The following SLK variants were observed in gnomAD, a reference collection of about 807,000 sequenced individuals.
The protein encoded by SLK is STE20-like serine/threonine-protein kinase.
SLK carries 67 observed loss-of-function variants against 147.7 expected under a neutral mutation model. The observed-to-expected ratio is 0.45, with a 90% CI of 0.37 to 0.56. The LOEUF (loss-of-function observed/expected upper bound fraction) is 0.56. SLK is among the 20% of genes least tolerant of loss of function. SLK has a pLI of 0.00. For synonymous variants in SLK, 441 were observed against 475.0 expected (o/e 0.93, Z 0.93); for missense variants, 1,136 against 1,438.8 (o/e 0.79, Z 3.41).
At chr10:103,968,283 T>A (rs1002231334) in intron 1 of SLK, among the ~76,000 whole-genome samples, 11 of 152,236 alleles carry the variant, frequency 7.2e-5, no homozygotes, top group Admixed American at 6.5e-4. Flanking sequence ...ATGCTTGTAC[T>A]CCAACAGTTC....
At chr10:104,008,120 TA>T in intron 11 of SLK, 56 bp from the exon 12 acceptor site, 1 of 1,293,856 alleles carries the variant, frequency 7.7e-7, no homozygotes, top group Non-Finnish European at 1.1e-6. Flanking sequence ...ATCTTTACTA[TA>T]AGGTATTAAT....
At chr10:103,980,127 G>C (rs1224569678) in intron 1 of SLK, among the ~76,000 whole-genome samples, 1 of 152,142 alleles carries the variant, frequency 6.6e-6, no homozygotes, top group African/African-American at 2.4e-5. Context: ...TTACTGCTTT[G>C]CAATGCTTCC....
At chr10:104,009,734 C>T (rs531232555) in intron 12 of SLK, among the ~76,000 whole-genome samples, 74 of 152,140 alleles carry the variant, frequency 4.9e-4, no homozygotes, top group Non-Finnish European at 9.6e-4. Context: ...GTTTCAGCCA[C>T]GAACATGTTT....
intron 18 of SLK, among the ~76,000 whole-genome samples, chr10:104,024,898 G>T (rs1238765992): frequency 6.6e-6 from 1 of 152,100 alleles, no homozygotes. Context: ...CCTCATGAAG[G>T]CACTCATCCC....
chr10:103,994,694 G>A (rs1844143666), intron 4 of SLK, among the ~76,000 whole-genome samples: 1 of 152,174 alleles, frequency 6.6e-6, no homozygotes, highest in South Asian at 2.1e-4. Flanking sequence ...GAGGAGGGAT[G>A]ATGTGAAAAA....
At chr10:104,004,085 T>C (rs1377588312) in intron 9 of SLK, among the ~76,000 whole-genome samples, 1 of 141,344 alleles carries the variant, frequency 7.1e-6, no homozygotes, top group Non-Finnish European at 1.5e-5. Flanking sequence ...GGATCACTAT[T>C]TGTAAAAAAA....
At chr10:103,970,151 A>G (rs1398658803) in intron 1 of SLK, among the ~76,000 whole-genome samples, 1 of 152,210 alleles carries the variant, frequency 6.6e-6, no homozygotes, top group African/African-American at 2.4e-5. Context: ...AGGCACATGG[A>G]AAGGGCTCAG....
rs1216504909 is a variant in SLK, at chr10:104,001,456, A to T, written c.877A>T (p.Thr293Ser). The T allele has an allele frequency of 6.2e-7, 1 of 1,613,466 alleles. No homozygotes were observed. Among genetic ancestry groups the T allele is most frequent in the Non-Finnish European group, 8.5e-7 (1 of 1,179,442 alleles). ...TSQLLQHPFV[T>S]VDSNKPIREL... ...TAATGATCAACAGCATCCCTTTGTT[A>T]CTGTTGATTCCAACAAACCCATCCG... The change falls in exon 8 of 19, where the codon ACT becomes TCT. Residue 293 changes from threonine (T) to serine (S), a missense_variant. Thr to Ser is a moderately conservative substitution (Grantham distance 58). This residue lies in a region of SLK where 141 missense variants were observed against 219.3 expected (regional missense o/e 0.64). Transcript: ENST00000369755.
Position 104,018,795 on chromosome 10 carries a change from G to A in SLK, c.3019G>A (p.Ala1007Thr). 3 of 1,611,174 alleles carry A rather than the reference G, an allele frequency of 1.9e-6. No individual in the cohort carries two copies. The highest frequency in any genetic ancestry group is 2.5e-6 in the Non-Finnish European group (3 of 1,179,252). Reference sequence around the variant, plus strand: ...CTGCTGTCTTCTAGCTCGAGAAGCTGCAATTTGGGAGCTCGAAGAACGACA... The same window carrying A: ...CTGCTGTCTTCTAGCTCGAGAAGCTACAATTTGGGAGCTCGAAGAACGACA... ...KQQLMRAREA[A>T]IWELEERHLQ... Residue 1007 changes from alanine (A) to threonine (T), a missense_variant, in exon 15 of 19, where the codon GCA becomes ACA. Ala to Thr is a moderately conservative substitution (Grantham distance 58, BLOSUM62 0). This residue lies in a region of SLK where 327 missense variants were observed against 457.5 expected (regional missense o/e 0.71). Coordinates refer to ENST00000369755, the MANE Select transcript of SLK (RefSeq NM_014720.4).
intron 13 of SLK, among the ~76,000 whole-genome samples, chr10:104,014,046 C>T (rs1320747228): frequency 3.3e-5 from 5 of 152,156 alleles, no homozygotes; most frequent in East Asian, 3.9e-4. Context: ...CTGTCTACCC[C>T]GCCACAAATT....
chr10:103,968,818 A>G (rs955737730), intron 1 of SLK, among the ~76,000 whole-genome samples: 1 of 152,204 alleles, frequency 6.6e-6, no homozygotes, highest in African/African-American at 2.4e-5. Context: ...GCAGGTCAGT[A>G]TTAGTATCCA....
Position 104,002,358 on chromosome 10 carries a change from G to A in SLK, c.1180G>A (p.Val394Met). Residue 394 changes from valine (V) to methionine (M), a missense_variant, in exon 9 of 19, where the codon GTG becomes ATG. Physicochemically the swap from Val to Met is conservative, Grantham distance 21. Transcript: ENST00000369755. ...CACCACTGATGAACCTGAAAAGGCT[G>A]TGGAGGATATTAATGAACATATTAC... ...KPTTDEPEKA[V>M]EDINEHITDA... 1 of 1,613,622 alleles carries A rather than the reference G, an allele frequency of 6.2e-7. No homozygotes were observed. Among genetic ancestry groups the A allele is most frequent in the African/African-American group, 1.3e-5 (1 of 74,988 alleles).
At chr10:103,978,254 G>C (rs1843895828) in intron 1 of SLK, among the ~76,000 whole-genome samples, 1 of 152,002 alleles carries the variant, frequency 6.6e-6, no homozygotes, top group African/African-American at 2.4e-5. Context: ...TGCTGACATA[G>C]ACTTCTAGAT....
Position 103,998,802 on chromosome 10 carries a change from T to G in SLK, c.515-97T>G, listed in dbSNP as rs1844208106. ...TTTAACTTACTTTTTATAATAAGATTAGCCTTATTAAAGACTTAAAATGCT... is the reference window on the plus strand; with the variant it reads ...TTTAACTTACTTTTTATAATAAGATGAGCCTTATTAAAGACTTAAAATGCT... On this transcript the variant is annotated intron_variant, in intron 4 of 18. Transcript: ENST00000369755. 9.5e-6 allele frequency: 7 copies of G among 736,694 alleles called. No homozygotes were observed. In the South Asian group the frequency reaches 1.3e-4, roughly 13 times the overall value. The allele number at this position is 736,694 out of a possible 1,614,324, so 45.6% of individuals were successfully genotyped here. A position where few individuals can be genotyped will look rare whatever the true frequency, so the allele number is the denominator to read the frequency against.
rs747414273 is a variant in SLK at position 103,967,803 on chromosome 10, C to A, written c.58C>A (p.Gln20Lys). Residue 20 changes from glutamine to lysine, a missense_variant, in exon 1 of 19, where the codon CAG (glutamine) becomes AAG (lysine). This residue lies in a region of SLK where 126 missense variants were observed against 141.3 expected (regional missense o/e 0.89). Coordinates refer to ENST00000369755, the MANE Select transcript of SLK (RefSeq NM_014720.4). ...FKLGSEKKKK[Q>K]YEHVKRDLNP... ...GTTGGGGAGCGAGAAGAAGAAGAAGCAGTACGAACACGTGAAGAGGGACCT... is the reference window on the plus strand; with the variant it reads ...GTTGGGGAGCGAGAAGAAGAAGAAGAAGTACGAACACGTGAAGAGGGACCT... 4 of 1,613,670 alleles carry A rather than the reference C, an allele frequency of 2.5e-6. No individual in the cohort carries two copies. The highest frequency in any genetic ancestry group is 3.4e-6 in the Non-Finnish European group (4 of 1,179,710).
In SLK at chr10:103,999,280, C is replaced by G; in HGVS notation, c.749C>G (p.Ser250Cys). Residue 250 changes from serine (S) to cysteine (C), a missense_variant, in exon 6 of 19, where the codon TCT (serine) becomes TGT (cysteine). Around this residue, in one of 6 missense-constraint regions of SLK, gnomAD observed 141 missense variants for 219.3 expected, o/e 0.64. Transcript: ENST00000369755. ...PMRVLLKIAK[S>C]EPPTLAQPSR... ...CGAGTGCTGCTAAAAATAGCAAAAT[C>G]TGAGCCACCTACATTAGCACAGCCA... is the stretch of plus-strand genomic sequence containing the variant. 6.2e-7 allele frequency: 1 copy of G among 1,612,716 alleles called. No homozygotes were observed. Among genetic ancestry groups the G allele is most frequent in the South Asian group, 1.1e-5 (1 of 90,796 alleles).
rs1844597284 is a variant in SLK at position 104,026,208 on chromosome 10, TA to T, written c.*491del. 1 of 152,718 alleles carries T rather than the reference TA, an allele frequency of 6.5e-6. No homozygotes were observed. The highest frequency in any genetic ancestry group is 2.4e-5 in the African/African-American group (1 of 41,468). 9.5% of individuals were successfully genotyped at this position (152,718 alleles called of 1,614,324 possible). ...TTGCTCAAATATGCTGTTGACTCAG[TA>T]AATGAATATATTTTTTTCTTTAAAT... is the stretch of plus-strand genomic sequence containing the variant. On this transcript the variant is annotated 3_prime_UTR_variant, in exon 19 of 19. Coordinates refer to ENST00000369755, the MANE Select transcript of SLK (RefSeq NM_014720.4).
chr10:103,980,162 A>T (rs1346602603), intron 1 of SLK, among the ~76,000 whole-genome samples: 1 of 152,210 alleles, frequency 6.6e-6, no homozygotes, highest in Non-Finnish European at 1.5e-5. Context: ...GTCCGTACGC[A>T]CATAGTATAT....
intron 2 of SLK, among the ~76,000 whole-genome samples, chr10:103,991,144 A>T (rs1282467564): frequency 6.6e-6 from 1 of 152,168 alleles, no homozygotes; most frequent in East Asian, 1.9e-4. Flanking sequence ...GTCCTTGTTT[A>T]TAATTTAAAT....
Sources: allele counts gnomAD v4.1 joint callset (sites outside exome capture counted in the v4.1 genomes callset), GRCh38; gene constraint gnomAD v4.1.1; regional missense constraint gnomAD v4.1.1; transcripts MANE v1.5; gene names NCBI Gene and HGNC (gene_info 2026-07-23, HGNC 2026-07-21).